RTL4: variants seen among roughly 807,000 people sequenced by gnomAD.
RTL4 encodes retrotransposon Gag like 4.
In RTL4, 4 loss-of-function variants were observed where a neutral mutation model predicts 5.3. That is an observed-to-expected ratio of 0.75 (90% CI 0.37 to 1.72). The LOEUF is 1.72. Among genes scored for constraint, RTL4 ranks in the 40% most tolerant of loss-of-function variants. The probability of loss-of-function intolerance (pLI) is 0.04; values close to 1 mark genes in which losing one functional copy is unlikely to be tolerated. For missense variants in RTL4, 260 were observed against 227.1 expected, an observed-to-expected ratio of 1.14 and a Z score of -0.93; for synonymous variants, 98 against 87.3, an observed-to-expected ratio of 1.12 and a Z score of -0.68.
chrX:112,104,528 T>C, the RTL4 span, among the ~76,000 whole-genome samples: 1 of 111,945 alleles, frequency 8.9e-6, no homozygotes, highest in South Asian at 3.7e-4. Context: ...TGTGCAAGCG[T>C]TCTCTGTTCT....
the RTL4 span, among the ~76,000 whole-genome samples, chrX:112,187,873 C>T: frequency 9.0e-6 from 1 of 111,377 alleles, no homozygotes; most frequent in Non-Finnish European, 1.9e-5. Flanking sequence ...AAATGAGCAG[C>T]CATTGATGAT....
At chrX:112,395,401 ACAT>A in the RTL4 span, among the ~76,000 whole-genome samples, 3,411 of 111,311 alleles carry the variant, frequency 0.031, 144 homozygotes, top group African/African-American at 0.1. Context: ...GTATCCTATA[ACAT>A]CATGTTGTAA....
chrX:112,373,259 AGTAG>A, the RTL4 span, among the ~76,000 whole-genome samples: 1 of 111,496 alleles, frequency 9.0e-6, no homozygotes, highest in Non-Finnish European at 1.9e-5. Flanking sequence ...CACTCCCACC[AGTAG>A]TGTATGAGAG....
the RTL4 span, among the ~76,000 whole-genome samples, chrX:112,181,050 C>T: frequency 2.7e-5 from 3 of 111,497 alleles, no homozygotes; most frequent in Non-Finnish European, 3.8e-5. Context: ...CAGGGTGGGG[C>T]GTTGCCTCAC....
the RTL4 span, among the ~76,000 whole-genome samples, chrX:112,125,457 T>A: frequency 8.9e-6 from 1 of 111,890 alleles, no homozygotes; most frequent in East Asian, 2.8e-4. Flanking sequence ...AAAGTGTCAA[T>A]CATTCTTGGA....
chrX:112,290,416 A>G, the RTL4 span, among the ~76,000 whole-genome samples: 6 of 112,079 alleles, frequency 5.4e-5, no homozygotes, highest in Admixed American at 1.9e-4. Flanking sequence ...CATGTAGAGA[A>G]GTCATGATGG....
the RTL4 span, among the ~76,000 whole-genome samples, chrX:112,305,915 T>A: frequency 9.0e-6 from 1 of 111,334 alleles, no homozygotes; most frequent in African/African-American, 3.3e-5. Context: ...AATCAAACCG[T>A]TTGGCCTCTC....
the RTL4 span, among the ~76,000 whole-genome samples, chrX:112,354,442 G>A: frequency 3.3e-4 from 37 of 111,556 alleles, no homozygotes; most frequent in East Asian, 5.7e-4. Flanking sequence ...TTAGTGCCAC[G>A]TAACTTTTTA....
chrX:112,283,552 T>G, the RTL4 span, among the ~76,000 whole-genome samples: 14 of 111,286 alleles, frequency 1.3e-4, no homozygotes, highest in Non-Finnish European at 2.6e-4. Flanking sequence ...ATCAGAGGCT[T>G]ATTGAATAGA....
At chrX:112,137,661 C>T in the RTL4 span, among the ~76,000 whole-genome samples, 6 of 111,573 alleles carry the variant, frequency 5.4e-5, no homozygotes, top group Non-Finnish European at 7.5e-5. Flanking sequence ...TTCCTCCACA[C>T]GTGGGGATTA....
At chrX:112,247,545 C>T in the RTL4 span, among the ~76,000 whole-genome samples, 1 of 112,075 alleles carries the variant, frequency 8.9e-6, no homozygotes, top group Admixed American at 9.5e-5. Flanking sequence ...TCATTGGGTG[C>T]TTCATTTTGT....
At chrX:112,163,549 T>C in the RTL4 span, among the ~76,000 whole-genome samples, 2 of 111,912 alleles carry the variant, frequency 1.8e-5, no homozygotes, top group East Asian at 5.6e-4. Context: ...ACATGTCTTT[T>C]TCTTGAGGAT....
At chrX:112,271,864 C>T in the RTL4 span, among the ~76,000 whole-genome samples, 1 of 111,605 alleles carries the variant, frequency 9.0e-6, no homozygotes. Flanking sequence ...TCACCTCAAG[C>T]ATTTATCCTT....
At chrX:112,322,768 TA>T in the RTL4 span, among the ~76,000 whole-genome samples, 18 of 111,864 alleles carry the variant, frequency 1.6e-4, no homozygotes, top group African/African-American at 5.5e-4. Flanking sequence ...ATTTCATCAT[TA>T]TTTTTTAACG....
At chrX:112,431,706 T>C in the RTL4 span, among the ~76,000 whole-genome samples, 1 of 111,279 alleles carries the variant, frequency 9.0e-6, no homozygotes, top group Non-Finnish European at 1.9e-5. Flanking sequence ...TTATTTGTTG[T>C]TAGGCCTGAG....
the RTL4 span, among the ~76,000 whole-genome samples, chrX:112,226,395 A>T: frequency 9.0e-6 from 1 of 111,683 alleles, no homozygotes; most frequent in Admixed American, 9.5e-5. Flanking sequence ...TCACTATGGG[A>T]TGCGTTATTG....
chrX:112,103,171 G>A, the RTL4 span, among the ~76,000 whole-genome samples: 1 of 111,233 alleles, frequency 9.0e-6, no homozygotes, highest in African/African-American at 3.3e-5. Context: ...GCAAAGATAT[G>A]GAATCAACCC....
the RTL4 span, among the ~76,000 whole-genome samples, chrX:112,137,713 A>G: frequency 4.5e-5 from 5 of 111,963 alleles, no homozygotes. Context: ...GAGCCAAACC[A>G]TAACAGATGG....
At chrX:112,174,764 G>C in the RTL4 span, among the ~76,000 whole-genome samples, 1 of 97,863 alleles carries the variant, frequency 1.0e-5, no homozygotes, top group Non-Finnish European at 2.1e-5. Flanking sequence ...ACTTTTTAAT[G>C]ATTGCCATTC....
Sources: gnomAD v4.1 joint callset for allele counts (sites outside exome capture counted in the v4.1 genomes callset) on GRCh38, gnomAD v4.1.1 for gene constraint, MANE v1.5 for transcripts, NCBI Gene and HGNC (gene_info 2026-07-23, HGNC 2026-07-21) for gene names.